Variants in PTPRC observed in about 807,000 individuals in gnomAD.
PTPRC encodes the protein protein tyrosine phosphatase receptor type C, also known as receptor-type tyrosine-protein phosphatase C.
PTPRC carries 44 observed loss-of-function variants against 155.9 expected under a neutral mutation model. That is an observed-to-expected ratio of 0.28 (90% CI 0.22 to 0.36). The LOEUF (loss-of-function observed/expected upper bound fraction) is 0.36, where lower values mean the gene tolerates loss of function less well. Among genes scored for constraint, PTPRC ranks in the 10% least tolerant of loss-of-function variants. The pLI is 1.00. For synonymous variants in PTPRC, 525 were observed against 533.1 expected (o/e 0.98, Z 0.21); for missense variants, 1,401 against 1,564.6 (o/e 0.90, Z 1.76).
chr1:198,685,523 A>G (rs546436421), intron 2 of PTPRC, among the ~76,000 whole-genome samples: 4 of 152,038 alleles, frequency 2.6e-5, no homozygotes, highest in Non-Finnish European at 5.9e-5. Context: ...AAATCATAAT[A>G]CCTGGCTTGT....
intron 2 of PTPRC, among the ~76,000 whole-genome samples, chr1:198,689,026 C>T (rs1665784362): frequency 6.6e-6 from 1 of 152,140 alleles, no homozygotes; most frequent in Non-Finnish European, 1.5e-5. Context: ...ACCCAGTAAA[C>T]ACTCAATAAA....
chr1:198,653,169 A>G (rs969346644), intron 2 of PTPRC, among the ~76,000 whole-genome samples: 7 of 151,820 alleles, frequency 4.6e-5, no homozygotes, highest in African/African-American at 1.7e-4. Context: ...TGTTATGCTC[A>G]AAGCATCCAA....
chr1:198,686,028 T>G (rs1014573423), intron 2 of PTPRC, among the ~76,000 whole-genome samples: 1 of 152,004 alleles, frequency 6.6e-6, no homozygotes, highest in Non-Finnish European at 1.5e-5. Flanking sequence ...CCGTTTTCAC[T>G]CAAATTGATT....
chr1:198,709,963 C>T (rs1302221906), intron 11 of PTPRC, 139 bp downstream of exon 11: 9 of 1,215,562 alleles, frequency 7.4e-6, no homozygotes, highest in South Asian at 3.1e-5. Context: ...TTCAATGAAG[C>T]GCAATTTATC....
At chr1:198,715,082 C>A (rs1653507554) in intron 12 of PTPRC, among the ~76,000 whole-genome samples, 1 of 151,996 alleles carries the variant, frequency 6.6e-6, no homozygotes, top group African/African-American at 2.4e-5. Flanking sequence ...GATAGATGTT[C>A]AAGTTCAGTA....
chr1:198,702,657 C>A, intron 6 of PTPRC, 127 bp downstream of exon 6: 1 of 1,251,602 alleles, frequency 8.0e-7, no homozygotes, highest in Non-Finnish European at 1.2e-6. Flanking sequence ...CAAATGTTCA[C>A]GTATCAACAC....
chr1:198,683,849 A>G (rs991963903), intron 2 of PTPRC, among the ~76,000 whole-genome samples: 3 of 152,124 alleles, frequency 2.0e-5, no homozygotes, highest in African/African-American at 4.8e-5. Flanking sequence ...GTTCTCAGAA[A>G]CATTGCAGTT....
At chr1:198,671,182 C>T (rs559424508) in intron 2 of PTPRC, among the ~76,000 whole-genome samples, 151 of 152,148 alleles carry the variant, frequency 9.9e-4, no homozygotes, top group Admixed American at 3.7e-3. Flanking sequence ...CCATTTACTG[C>T]TTTCTTGCTT....
intron 16 of PTPRC, among the ~76,000 whole-genome samples, chr1:198,728,910 C>T (rs1345847647): frequency 1.3e-5 from 2 of 151,442 alleles, no homozygotes; most frequent in Non-Finnish European, 2.9e-5. Flanking sequence ...CCTCCCTCAC[C>T]CTCCTCTCTC....
At position 198,732,527 on chromosome 1, in the gene PTPRC, T is replaced by A. The variant is rs771941224; in HGVS notation, c.2113T>A (p.Ser705Thr). 1 of 1,610,568 alleles carries A rather than the reference T, an allele frequency of 6.2e-7. No homozygotes were observed. The highest frequency in any genetic ancestry group is 1.1e-5 in the South Asian group (1 of 90,972). ...CTCTGAGATAAACGGAGATGCAGGG[T>A]CAAACTACATAAATGCCAGCTATAT... ...ELSEINGDAG[S>T]NYINASYIDG... is the part of the protein sequence containing the mutation. The change falls in exon 20 of 33, where the codon TCA becomes ACA. Residue 705 changes from serine (S) to threonine (T), a missense_variant. By Grantham distance (58) the Ser-to-Thr change is moderately conservative. Transcript: ENST00000442510.
At chr1:198,721,365 AT>A (rs1193755986) in intron 14 of PTPRC, among the ~76,000 whole-genome samples, 2 of 151,754 alleles carry the variant, frequency 1.3e-5, no homozygotes, top group East Asian at 3.9e-4. Context: ...ATTTTTTTTC[AT>A]TTTTATAAAC....
intron 23 of PTPRC, among the ~76,000 whole-genome samples, chr1:198,736,646 C>T (rs896634614): frequency 1.3e-5 from 2 of 151,758 alleles, no homozygotes; most frequent in East Asian, 3.9e-4. Context: ...CTCCAATAAA[C>T]GTGGGAGTGC....
intron 2 of PTPRC, among the ~76,000 whole-genome samples, chr1:198,658,143 C>CAGAG (rs1328508639): frequency 1.3e-5 from 2 of 151,994 alleles, no homozygotes; most frequent in African/African-American, 4.8e-5. Flanking sequence ...AAGCACCTTT[C>CAGAG]AGAGAGAGAG....
intron 11 of PTPRC, among the ~76,000 whole-genome samples, chr1:198,711,637 T>C (rs1044465237): frequency 6.6e-6 from 1 of 152,160 alleles, no homozygotes; most frequent in Non-Finnish European, 1.5e-5. Context: ...GCATAAAAAT[T>C]GAATATTCCT....
chr1:198,711,083 C>T (rs1431107623), intron 11 of PTPRC, among the ~76,000 whole-genome samples: 1 of 152,110 alleles, frequency 6.6e-6, no homozygotes, highest in Non-Finnish European at 1.5e-5. Flanking sequence ...CTTGGCCTCC[C>T]AAAGTGCTGG....
Position 198,699,599 on chromosome 1 carries a change from C to A in PTPRC, c.334C>A (p.His112Asn). The change falls in exon 5 of 33, where the codon CAC becomes AAC. Residue 112 changes from histidine to asparagine, a missense_variant. Coordinates refer to ENST00000442510, the MANE Select transcript of PTPRC (RefSeq NM_002838.5). ...SSVQTPHLPT[H>N]ADSQTPSAGT... is the part of the protein sequence containing the mutation. ...AGTACAGACGCCTCACCTTCCCACGCACGCAGACTCGCAGACGCCCTCTGC... is the reference window on the plus strand; with the variant it reads ...AGTACAGACGCCTCACCTTCCCACGAACGCAGACTCGCAGACGCCCTCTGC... 1.2e-6 allele frequency: 2 copies of A among 1,614,236 alleles called. No individual in the cohort carries two copies. Among genetic ancestry groups the A allele is most frequent in the Non-Finnish European group, 1.7e-6 (2 of 1,180,038 alleles).
chr1:198,688,986 A>G (rs1272629053), intron 2 of PTPRC, among the ~76,000 whole-genome samples: 1 of 152,214 alleles, frequency 6.6e-6, no homozygotes, highest in African/African-American at 2.4e-5. Context: ...GAAAGAAAAC[A>G]TAAGCAAAAG....
intron 2 of PTPRC, among the ~76,000 whole-genome samples, chr1:198,652,714 C>A (rs1330219822): frequency 6.6e-6 from 1 of 151,546 alleles, no homozygotes; most frequent in African/African-American, 2.4e-5. Context: ...GAGAGGGAAC[C>A]CAGGAGTCCA....
At chr1:198,734,493 G>T (rs922805819) in intron 22 of PTPRC, 68 bp downstream of exon 22, 8 of 1,321,934 alleles carry the variant, frequency 6.1e-6, no homozygotes, top group Non-Finnish European at 6.6e-6. Flanking sequence ...ATGGCATTTT[G>T]AAAAGCCACA....
Sources: allele counts gnomAD v4.1 joint callset (sites outside exome capture counted in the v4.1 genomes callset), GRCh38; gene constraint gnomAD v4.1.1; transcripts MANE v1.5; gene names NCBI Gene and HGNC (gene_info 2026-07-23, HGNC 2026-07-21).